Variants in ITPK1 observed in about 807,000 individuals in gnomAD.
ITPK1 encodes inositol-tetrakisphosphate 1-kinase, also known as inositol 1,3,4-trisphosphate 5/6-kinase.
A neutral mutation model predicts 45.3 loss-of-function variants in ITPK1; 21 were observed. The observed-to-expected ratio is 0.46, with a 90% confidence interval of 0.33 to 0.67. The LOEUF is 0.67. ITPK1 is among the 30% of genes least tolerant of loss of function. ITPK1 has a pLI of 0.02. For synonymous variants in ITPK1, 258 were observed against 253.6 expected, an observed-to-expected ratio of 1.02 and a Z score of -0.16; for missense variants, 474 against 573.5, an observed-to-expected ratio of 0.83 and a Z score of 1.77.
At chr14:93,105,445 C>T (rs762560900) in intron 2 of ITPK1, among the ~76,000 whole-genome samples, 7 of 151,984 alleles carry the variant, frequency 4.6e-5, no homozygotes, top group Non-Finnish European at 8.8e-5. Flanking sequence ...CAGCCCCCTT[C>T]CCAGGAGAAT....
chr14:92,954,236 C>T (rs1888092061), intron 8 of ITPK1, among the ~76,000 whole-genome samples: 2 of 152,302 alleles, frequency 1.3e-5, no homozygotes, highest in South Asian at 4.1e-4. Flanking sequence ...CCAGAAGACC[C>T]TTTTGGCAGG....
intron 2 of ITPK1, among the ~76,000 whole-genome samples, chr14:93,077,148 C>G (rs1007370488): frequency 5.9e-5 from 9 of 152,212 alleles, no homozygotes; most frequent in Non-Finnish European, 1.0e-4. Flanking sequence ...GCCTCGCCAA[C>G]AGCCTCCAAG....
At chr14:92,984,535 G>A (rs901316579) in intron 5 of ITPK1, among the ~76,000 whole-genome samples, 7 of 151,936 alleles carry the variant, frequency 4.6e-5, no homozygotes, top group Admixed American at 1.3e-4. Flanking sequence ...TCTTACAATC[G>A]GTAATGAAAT....
chr14:93,109,952 C>T (rs543658750), intron 2 of ITPK1, among the ~76,000 whole-genome samples: 48 of 152,298 alleles, frequency 3.2e-4, no homozygotes, highest in African/African-American at 1.1e-3. Context: ...ACAGGGACGA[C>T]GACAGCAGCG....
rs1020544040 is a variant in ITPK1, at chr14:93,087,812, G to T, written c.96-11193C>A. Among the ~76,000 whole-genome samples the T allele has an allele frequency of 2.0e-5, 3 of 152,246 alleles. No homozygotes were observed. In the South Asian group the frequency reaches 6.2e-4, roughly 31 times the overall value. On this transcript the variant is annotated intron_variant, in intron 2 of 10. Coordinates refer to ENST00000267615, the MANE Select transcript of ITPK1 (RefSeq NM_014216.6). The stretch of plus-strand genomic sequence containing the variant: ...TGAGGAGTTGATGGGGAGGAGCACA[G>T]CACAGCTTTGCACGGTACCCGCAGA...
At chr14:93,065,145 G>C (rs1890693517) in intron 3 of ITPK1, among the ~76,000 whole-genome samples, 1 of 152,172 alleles carries the variant, frequency 6.6e-6, no homozygotes, top group Non-Finnish European at 1.5e-5. Context: ...TAACCCCAGA[G>C]GACAAGCTGG....
chr14:93,067,265 T>C (rs1890798870), intron 3 of ITPK1, among the ~76,000 whole-genome samples: 1 of 152,148 alleles, frequency 6.6e-6, no homozygotes, highest in Non-Finnish European at 1.5e-5. Flanking sequence ...GGGTGGCAGG[T>C]ACCAGGGAGA....
chr14:93,050,915 C>G (rs1366197280), intron 3 of ITPK1, among the ~76,000 whole-genome samples: 8 of 152,288 alleles, frequency 5.3e-5, no homozygotes, highest in Admixed American at 4.6e-4. Flanking sequence ...AATAAACACG[C>G]CTTGCGGTGC....
chr14:93,103,698 A>C (rs1595219889), intron 2 of ITPK1, among the ~76,000 whole-genome samples: 1 of 152,054 alleles, frequency 6.6e-6, no homozygotes, highest in East Asian at 1.9e-4. Flanking sequence ...GCCACGGCCC[A>C]CCCCAGATTC....
chr14:93,058,212 A>G (rs1314293032), intron 3 of ITPK1, among the ~76,000 whole-genome samples: 1 of 151,234 alleles, frequency 6.6e-6, no homozygotes, highest in Non-Finnish European at 1.5e-5. Flanking sequence ...GACAGAAATG[A>G]GCCATGGGGT....
At chr14:92,942,174 G>A (rs952593843) in intron 10 of ITPK1, among the ~76,000 whole-genome samples, 1 of 152,206 alleles carries the variant, frequency 6.6e-6, no homozygotes, top group African/African-American at 2.4e-5. Flanking sequence ...GATGAAACTT[G>A]CTTGTCCCTG....
chr14:93,088,279 T>C (rs1891725377), intron 2 of ITPK1, among the ~76,000 whole-genome samples: 1 of 151,622 alleles, frequency 6.6e-6, no homozygotes, highest in Non-Finnish European at 1.5e-5. Context: ...CCCCTCACAC[T>C]GGATCTCAGC....
At chr14:93,029,978 C>A (rs554604870) in intron 3 of ITPK1, among the ~76,000 whole-genome samples, 5 of 152,316 alleles carry the variant, frequency 3.3e-5, no homozygotes, top group East Asian at 3.9e-4. Context: ...GCTGCTACCC[C>A]CTTCCAGAAA....
intron 3 of ITPK1, among the ~76,000 whole-genome samples, chr14:93,072,920 A>G (rs982440517): frequency 6.6e-6 from 1 of 152,224 alleles, no homozygotes; most frequent in Admixed American, 6.5e-5. Context: ...CGACACCATC[A>G]GGTACTCTTT....
At position 92,939,997 on chromosome 14, in the gene ITPK1, T is replaced by G. The variant is rs1887280716; in HGVS notation, c.*1564A>C. The G allele has an allele frequency of 2.0e-6, 2 of 985,746 alleles. No homozygotes were observed. Among genetic ancestry groups the G allele is most frequent in the Non-Finnish European group, 2.4e-6 (2 of 829,950 alleles). 61.1% of individuals were successfully genotyped at this position (985,746 alleles called of 1,614,324 possible). A position where few individuals can be genotyped will look rare whatever the true frequency, so the allele number is the denominator to read the frequency against. Reference sequence around the variant, plus strand: ...CATTAATCGGGGTTCAAAACTCAAGTCGTGTAAACGTGGTTAGTTGTTGGG... The same window carrying G: ...CATTAATCGGGGTTCAAAACTCAAGGCGTGTAAACGTGGTTAGTTGTTGGG... On this transcript the variant is annotated 3_prime_UTR_variant, in exon 11 of 11. Transcript: ENST00000267615.
At chr14:92,992,433 C>T (rs371244695) in intron 5 of ITPK1, among the ~76,000 whole-genome samples, 16 of 152,336 alleles carry the variant, frequency 1.1e-4, no homozygotes, top group Admixed American at 5.2e-4. Flanking sequence ...ACAGCAGAGG[C>T]CAATCACTCC....
At chr14:93,024,367 A>G (rs1462270302) in intron 3 of ITPK1, among the ~76,000 whole-genome samples, 1 of 152,118 alleles carries the variant, frequency 6.6e-6, no homozygotes, top group East Asian at 1.9e-4. Context: ...GGGGAAGGGC[A>G]CATCCCTCCC....
intron 10 of ITPK1, among the ~76,000 whole-genome samples, chr14:92,942,273 G>A: frequency 6.6e-6 from 1 of 152,164 alleles, no homozygotes. Context: ...TGGCGTGGCT[G>A]GAGGTAGCAG....
chr14:93,098,121 C>G (rs1025009669), intron 2 of ITPK1, among the ~76,000 whole-genome samples: 11 of 150,924 alleles, frequency 7.3e-5, no homozygotes, highest in Admixed American at 2.0e-4. Context: ...GAGTTTGAGA[C>G]CAGCCTGACC....
Sources: allele counts gnomAD v4.1 joint callset (sites outside exome capture counted in the v4.1 genomes callset), GRCh38; gene constraint gnomAD v4.1.1; transcripts MANE v1.5; gene names NCBI Gene and HGNC (gene_info 2026-07-23, HGNC 2026-07-21).